The following VPS13B variants were observed in gnomAD, a reference collection of about 807,000 sequenced individuals.
VPS13B encodes vacuolar protein sorting 13 homolog B.
Under a neutral mutation model 426.4 loss-of-function variants are expected in VPS13B, and 285 were observed. That is an observed-to-expected ratio of 0.67 (90% CI 0.61 to 0.74). The LOEUF is 0.74. VPS13B is among the 30% of genes least tolerant of loss of function. VPS13B has a pLI of 0.00. For missense variants in VPS13B, 4,537 were observed against 4,782.6 expected (o/e 0.95, Z 1.51); for synonymous variants, 1,676 against 1,676.4 (o/e 1.00, Z 0.01).
At chr8:99,205,130 T>A (rs1588139348) in intron 17 of VPS13B, among the ~76,000 whole-genome samples, 1 of 152,132 alleles carries the variant, frequency 6.6e-6, no homozygotes, top group Non-Finnish European at 1.5e-5. Context: ...ATAGACTGGA[T>A]AAAGAAAATG....
In VPS13B at chr8:99,481,583, T is replaced by C. The variant is rs1820041101; in HGVS notation, c.3667-16T>C. 3.1e-6 allele frequency: 5 copies of C among 1,612,544 alleles called. No individual in the cohort carries two copies. Among genetic ancestry groups the C allele is most frequent in the Middle Eastern group, 1.8e-4 (1 of 5,670 alleles). ...TTGAAAGACTTGTTTTCTTTTCTTT[T>C]TTCTTATGCTCTCAGGTCCAGCTCT... On this transcript the variant is annotated splice_polypyrimidine_tract_variant and intron_variant, in intron 24 of 61. Coordinates refer to ENST00000357162, the MANE Select transcript of VPS13B (RefSeq NM_152564.5).
intron 19 of VPS13B, among the ~76,000 whole-genome samples, chr8:99,370,596 A>G (rs1194169659): frequency 1.4e-5 from 2 of 142,320 alleles, no homozygotes; most frequent in African/African-American, 5.1e-5. Flanking sequence ...ACATATATTG[A>G]GTGAAGGGCT....
intron 17 of VPS13B, among the ~76,000 whole-genome samples, chr8:99,268,353 T>G (rs1269993613): frequency 1.3e-5 from 2 of 152,168 alleles, no homozygotes; most frequent in Non-Finnish European, 2.9e-5. Flanking sequence ...TTGCACCATG[T>G]GGCCGGAGAA....
At chr8:99,849,478 G>A (rs1414830929) in intron 55 of VPS13B, among the ~76,000 whole-genome samples, 1 of 152,166 alleles carries the variant, frequency 6.6e-6, no homozygotes, top group Non-Finnish European at 1.5e-5. Context: ...TCAAAGAAAT[G>A]CTAATTTATC....
At chr8:99,132,870 T>TA (rs1360886256) in intron 8 of VPS13B, among the ~76,000 whole-genome samples, 2 of 152,186 alleles carry the variant, frequency 1.3e-5, no homozygotes, top group Non-Finnish European at 2.9e-5. Flanking sequence ...AACCATGCCA[T>TA]AAACAGATGT....
chr8:99,510,044 A>G (rs1821702895), intron 28 of VPS13B, among the ~76,000 whole-genome samples: 1 of 152,226 alleles, frequency 6.6e-6, no homozygotes, highest in Admixed American at 6.5e-5. Flanking sequence ...TTATATGTGT[A>G]CTAATATAGT....
At chr8:99,667,551 GTGAC>G (rs1830537728) in intron 35 of VPS13B, among the ~76,000 whole-genome samples, 1 of 152,130 alleles carries the variant, frequency 6.6e-6, no homozygotes, top group Admixed American at 6.6e-5. Flanking sequence ...TCAGCTGTGT[GTGAC>G]TTCTTCTAAA....
Position 99,737,225 on chromosome 8 carries a change from A to C in VPS13B, c.7050+16178A>C, listed in dbSNP as rs1833877958. Among the ~76,000 whole-genome samples, 3 of 137,518 alleles carry C rather than the reference A, an allele frequency of 2.2e-5. No homozygotes were observed. In the East Asian group the frequency reaches 6.9e-4, roughly 32 times the overall value. 90.2% of individuals were successfully genotyped at this position (137,518 alleles called of 152,430 possible). ...AAGCTCCGCCTCCCGGGTTCATGCCATTCTCCTGCCTCAGCCTCCCAAGTA... is the reference window on the plus strand; with the variant it reads ...AAGCTCCGCCTCCCGGGTTCATGCCCTTCTCCTGCCTCAGCCTCCCAAGTA... On this transcript the variant is annotated intron_variant, in intron 39 of 61. Transcript: ENST00000357162.
intron 17 of VPS13B, among the ~76,000 whole-genome samples, chr8:99,224,585 A>T (rs974744557): frequency 1.3e-5 from 2 of 152,116 alleles, no homozygotes; most frequent in Non-Finnish European, 1.5e-5. Flanking sequence ...TGATGAGGAG[A>T]TGTATTGAGT....
intron 33 of VPS13B, among the ~76,000 whole-genome samples, chr8:99,624,808 CT>C (rs35211688): frequency 0.29 from 39,041 of 136,730 alleles, 5,515 homozygotes; most frequent in South Asian, 0.5. Context: ...CCTTATTTTG[CT>C]TTTTTTTTTT....
At chr8:99,336,881 G>A (rs1416954518) in intron 19 of VPS13B, among the ~76,000 whole-genome samples, 2 of 152,080 alleles carry the variant, frequency 1.3e-5, no homozygotes, top group Non-Finnish European at 2.9e-5. Context: ...TGGAGAGGAT[G>A]TGGAGAAATA....
chr8:99,818,304 T>A, intron 45 of VPS13B, 147 bp from the exon 46 acceptor site: 1 of 806,644 alleles, frequency 1.2e-6, no homozygotes, highest in Admixed American at 2.4e-5. Flanking sequence ...TAATGAAGTC[T>A]GTTTTTGCTC....
intron 19 of VPS13B, among the ~76,000 whole-genome samples, chr8:99,283,015 A>G (rs968042227): frequency 6.6e-6 from 1 of 152,178 alleles, no homozygotes; most frequent in African/African-American, 2.4e-5. Context: ...AAAACATACC[A>G]GCAAACAGAC....
chr8:99,491,759 C>G (rs537975054), intron 25 of VPS13B, among the ~76,000 whole-genome samples: 89 of 152,286 alleles, frequency 5.8e-4, no homozygotes, highest in Admixed American at 1.0e-3. Flanking sequence ...GTTAGCCATT[C>G]ATCTAACCAT....
At chr8:99,413,468 G>T (rs1308066011) in intron 21 of VPS13B, among the ~76,000 whole-genome samples, 2 of 151,772 alleles carry the variant, frequency 1.3e-5, no homozygotes, top group Non-Finnish European at 2.9e-5. Context: ...CTTGTCTTCT[G>T]CTGGCTTCTG....
At chr8:99,208,482 TC>T (rs1262193907) in intron 17 of VPS13B, among the ~76,000 whole-genome samples, 10 of 152,326 alleles carry the variant, frequency 6.6e-5, no homozygotes, top group African/African-American at 2.2e-4. Context: ...TCTGATTCTA[TC>T]TTTTTATAGT....
chr8:99,775,384 G>A (rs1006211210), intron 40 of VPS13B, among the ~76,000 whole-genome samples: 2 of 152,190 alleles, frequency 1.3e-5, no homozygotes, highest in African/African-American at 4.8e-5. Context: ...AAAGAAGAGA[G>A]TGGAAGACAG....
chr8:99,603,415 A>G (rs530152768), intron 33 of VPS13B, among the ~76,000 whole-genome samples: 1 of 152,368 alleles, frequency 6.6e-6, no homozygotes, highest in African/African-American at 2.4e-5. Flanking sequence ...AGAGATTAAC[A>G]GTAACTAATA....
chr8:99,253,145 C>A (rs1817584679), intron 17 of VPS13B, among the ~76,000 whole-genome samples: 1 of 151,954 alleles, frequency 6.6e-6, no homozygotes, highest in South Asian at 2.1e-4. Context: ...AAAGTTTATT[C>A]TTGTTGTAGT....
Sources: allele counts gnomAD v4.1 joint callset (sites outside exome capture counted in the v4.1 genomes callset), GRCh38; gene constraint gnomAD v4.1.1; transcripts MANE v1.5; gene names NCBI Gene and HGNC (gene_info 2026-07-23, HGNC 2026-07-21).